The following SPTBN1 variants were observed in gnomAD, a reference collection of about 807,000 sequenced individuals.
SPTBN1 encodes the protein spectrin beta, non-erythrocytic 1, also known as spectrin beta chain, non-erythrocytic 1.
A neutral mutation model predicts 266.4 loss-of-function variants in SPTBN1; 32 were observed. The observed-to-expected ratio is 0.12, with a 90% CI of 0.09 to 0.16. The LOEUF (loss-of-function observed/expected upper bound fraction) is 0.16, where lower values mean the gene tolerates loss of function less well. SPTBN1 is among the 10% of genes least tolerant of loss of function. SPTBN1 has a pLI of 1.00. For synonymous variants in SPTBN1, 1,336 were observed against 1,162.2 expected (o/e 1.15, Z -3.04); for missense variants, 2,296 against 3,067.1 (o/e 0.75, Z 5.94).
At chr2:54,486,298 A>G (rs1217397773) in intron 1 of SPTBN1, among the ~76,000 whole-genome samples, 1 of 152,050 alleles carries the variant, frequency 6.6e-6, no homozygotes, top group Non-Finnish European at 1.5e-5. Context: ...GGTGGGGAAA[A>G]GACTGAGAAA....
intron 2 of SPTBN1, among the ~76,000 whole-genome samples, chr2:54,530,909 C>A (rs1671195887): frequency 6.6e-6 from 1 of 152,056 alleles, no homozygotes; most frequent in Non-Finnish European, 1.5e-5. Flanking sequence ...TCTCCCATCC[C>A]TAGCTAGCCT....
In SPTBN1 at chr2:54,646,166, C is replaced by A; in HGVS notation, c.4585-28C>A. The A allele has an allele frequency of 6.3e-7, 1 of 1,595,418 alleles. No individual in the cohort carries two copies. ...AGCAGACGGCTGCCATTTAGCAAGCCTTTGTGTGTATTTTCCGCTCCCTCC... is the reference window on the plus strand; with the variant it reads ...AGCAGACGGCTGCCATTTAGCAAGCATTTGTGTGTATTTTCCGCTCCCTCC... On this transcript the variant is annotated intron_variant, in intron 22 of 35. Coordinates refer to ENST00000356805, the MANE Select transcript of SPTBN1 (RefSeq NM_003128.3). This position sits in a 1 kb window ranked among gnomAD's most constrained non-coding sequence, Gnocchi z 4.4.
chr2:54,550,172 T>C (rs1301092772), intron 2 of SPTBN1, among the ~76,000 whole-genome samples: 1 of 152,172 alleles, frequency 6.6e-6, no homozygotes, highest in Non-Finnish European at 1.5e-5. Flanking sequence ...GAGGTAGCTA[T>C]AGTATTTATT....
rs567726668 is a variant in SPTBN1 at position 54,494,359 on chromosome 2, C to T, written c.-47-32013C>T. On this transcript the variant is annotated intron_variant, in intron 1 of 35. Coordinates refer to ENST00000356805, the MANE Select transcript of SPTBN1 (RefSeq NM_003128.3). ...AATTACAGTATGACCTGTGATATTA[C>T]CCAGACATTCAATTCCGAGGTATTT... Among the ~76,000 whole-genome samples the T allele has an allele frequency of 1.3e-3, 192 of 152,144 alleles. 1 individual carries two copies. Among genetic ancestry groups the T allele is most frequent in the Non-Finnish European group, 2.2e-3 (153 of 68,016 alleles).
At chr2:54,593,556 A>ACATTGTACAG in intron 2 of SPTBN1, among the ~76,000 whole-genome samples, 1 of 152,084 alleles carries the variant, frequency 6.6e-6, no homozygotes, top group African/African-American at 2.4e-5. Flanking sequence ...CACTTGTACC[A>ACATTGTACAG]CATTGTACAG....
intron 1 of SPTBN1, among the ~76,000 whole-genome samples, chr2:54,506,528 C>T (rs1344012568): frequency 6.7e-6 from 1 of 149,500 alleles, no homozygotes. Context: ...ATTTTTTCTT[C>T]TTGATAGTAG....
chr2:54,475,014 A>C (rs1464862808), intron 1 of SPTBN1, among the ~76,000 whole-genome samples: 1 of 152,094 alleles, frequency 6.6e-6, no homozygotes, highest in Non-Finnish European at 1.5e-5. Context: ...AAACACAAAA[A>C]ATTATAAAAA....
At chr2:54,552,864 G>A (rs1672658947) in intron 2 of SPTBN1, among the ~76,000 whole-genome samples, 1 of 152,210 alleles carries the variant, frequency 6.6e-6, no homozygotes, top group Non-Finnish European at 1.5e-5. Context: ...CTCACCCATG[G>A]TTTTCTAAGA....
intron 2 of SPTBN1, among the ~76,000 whole-genome samples, chr2:54,542,819 G>GAAGCC (rs1672015337): frequency 6.6e-6 from 1 of 152,222 alleles, no homozygotes; most frequent in Admixed American, 6.5e-5. Flanking sequence ...GAGGAATTTG[G>GAAGCC]TTTGGGTTCT....
chr2:54,520,525 G>A (rs1387900056), intron 1 of SPTBN1: 1 of 152,122 alleles, frequency 6.6e-6, no homozygotes, highest in African/African-American at 2.4e-5. Context: ...AAAGCATCTG[G>A]AATTTCTGTG....
At chr2:54,615,774 C>G (rs1023712298) in intron 4 of SPTBN1, among the ~76,000 whole-genome samples, 4 of 152,192 alleles carry the variant, frequency 2.6e-5, no homozygotes, top group Admixed American at 6.5e-5. Context: ...CACACTTGCT[C>G]TAATAGTTTG....
intron 2 of SPTBN1, 163 bp downstream of exon 2, chr2:54,526,729 T>G: frequency 1.2e-6 from 1 of 832,930 alleles, no homozygotes; most frequent in Non-Finnish European, 1.7e-6. Flanking sequence ...AGGTAGTCAG[T>G]TCCATATTTG....
intron 3 of SPTBN1, among the ~76,000 whole-genome samples, chr2:54,602,388 C>T (rs1342219873): frequency 1.3e-5 from 2 of 152,076 alleles, no homozygotes; most frequent in Non-Finnish European, 2.9e-5. Context: ...GAGAGGAGCC[C>T]CTGGCATACG....
At chr2:54,496,271 C>T (rs1668962446) in intron 1 of SPTBN1, among the ~76,000 whole-genome samples, 2 of 152,014 alleles carry the variant, frequency 1.3e-5, no homozygotes, top group South Asian at 4.1e-4. Context: ...AACCCCGTCT[C>T]TACTAAAATA....
chr2:54,664,572 C>G lies in SPTBN1; in HGVS notation c.6540C>G (p.Leu2180=), dbSNP rs1397234866. The change falls in exon 33 of 36, where the codon CTC becomes CTG. Residue 2180 remains leucine (L), a synonymous_variant. Coordinates refer to ENST00000356805, the MANE Select transcript of SPTBN1 (RefSeq NM_003128.3). This position sits in a 1 kb window ranked among gnomAD's most constrained non-coding sequence, Gnocchi z 5.6. The part of the protein sequence containing the change: ...PTSDRKAKTA[L]PAQSAATLPA... Reference sequence around the variant, plus strand: ...CTGATCGTAAAGCCAAGACTGCCCTCCCAGCCCAGAGTGCCGCCACCTTAC... The same window carrying G: ...CTGATCGTAAAGCCAAGACTGCCCTGCCAGCCCAGAGTGCCGCCACCTTAC... 6.2e-7 allele frequency: 1 copy of G among 1,614,198 alleles called. No homozygotes were observed. The highest frequency in any genetic ancestry group is 1.1e-5 in the South Asian group (1 of 91,080).
At chr2:54,632,462 T>C (rs912045250) in intron 16 of SPTBN1, 104 bp from the exon 17 acceptor site, 17 of 1,155,818 alleles carry the variant, frequency 1.5e-5, no homozygotes, top group Non-Finnish European at 2.0e-5. Flanking sequence ...TTCATGTAAG[T>C]GTAATGAAGA....
intron 2 of SPTBN1, among the ~76,000 whole-genome samples, chr2:54,598,276 G>A (rs139439303): frequency 6.6e-6 from 1 of 152,206 alleles, no homozygotes. Flanking sequence ...TAAATCAGCA[G>A]TTGCCTTTTC....
At position 54,629,985 on chromosome 2, in the gene SPTBN1, A is replaced by C. The variant is rs878893359; in HGVS notation, c.2763A>C (p.Pro921=). The part of the protein sequence containing the change: ...IARQLMHSGH[P]SEKEIKAQQD... ...GCCAGCTGATGCACAGCGGCCACCC[A>C]AGTGAGAAGGAAATCAAAGCCCAGC... Residue 921 remains proline, a synonymous_variant, in exon 15 of 36, where the codon CCA becomes CCC. Coordinates refer to ENST00000356805, the MANE Select transcript of SPTBN1 (RefSeq NM_003128.3). 9 of 1,614,022 alleles carry C rather than the reference A, an allele frequency of 5.6e-6. No individual in the cohort carries two copies. Among genetic ancestry groups the C allele is most frequent in the Non-Finnish European group, 7.6e-6 (9 of 1,180,022 alleles).
chr2:54,621,382 G>C lies in SPTBN1; in HGVS notation c.764-18G>C. The stretch of plus-strand genomic sequence containing the variant: ...AGTAGCATGCAACACACTGAACAGA[G>C]TCTTCTCTGGGTTACAGACATCAGC... On this transcript the variant is annotated intron_variant, in intron 7 of 35. Coordinates refer to ENST00000356805, the MANE Select transcript of SPTBN1 (RefSeq NM_003128.3). 1 of 1,603,176 alleles carries C rather than the reference G, an allele frequency of 6.2e-7. No homozygotes were observed. Among genetic ancestry groups the C allele is most frequent in the Non-Finnish European group, 8.5e-7 (1 of 1,170,762 alleles).
Sources: gnomAD v4.1 joint callset for allele counts (sites outside exome capture counted in the v4.1 genomes callset) on GRCh38, gnomAD v4.1.1 for gene constraint, Gnocchi (gnomAD v3.1) non-coding constraint, MANE v1.5 for transcripts, NCBI Gene and HGNC (gene_info 2026-07-23, HGNC 2026-07-21) for gene names.